UNC5D: variants seen among roughly 807,000 people sequenced by gnomAD.
The protein encoded by UNC5D is netrin receptor UNC5D.
Under a neutral mutation model 105.4 loss-of-function variants are expected in UNC5D, and 39 were observed. The observed-to-expected ratio is 0.37, with a 90% CI of 0.29 to 0.48. The LOEUF (loss-of-function observed/expected upper bound fraction) is 0.48, where lower values mean the gene tolerates loss of function less well. Among genes scored for constraint, UNC5D ranks in the 20% least tolerant of loss-of-function variants. UNC5D has a pLI of 0.98. For missense variants in UNC5D, 991 were observed against 1,202.4 expected, an observed-to-expected ratio of 0.82 and a Z score of 2.60; for synonymous variants, 452 against 450.4, an observed-to-expected ratio of 1.00 and a Z score of -0.04.
At chr8:35,682,611 A>G (rs1825742701) in intron 4 of UNC5D, among the ~76,000 whole-genome samples, 1 of 152,174 alleles carries the variant, frequency 6.6e-6, no homozygotes, top group Non-Finnish European at 1.5e-5. Flanking sequence ...GTGAATAAGG[A>G]AATAACACAG....
rs377424106 is a variant in UNC5D at position 35,271,710 on chromosome 8, T to C, written c.103+35823T>C. Among the ~76,000 whole-genome samples, 45 of 115,916 alleles carry C rather than the reference T, an allele frequency of 3.9e-4. 1 individual carries two copies. The highest frequency in any genetic ancestry group is 1.4e-3 in the Admixed American group (17 of 11,908). The allele number at this position is 115,916 out of a possible 152,430, so 76.0% of individuals were successfully genotyped here. A position where few individuals can be genotyped will look rare whatever the true frequency, so the allele number is the denominator to read the frequency against. ...ATACATGTATACATGTATACATATATATTTATACATGTATACATGTATACA... is the reference window on the plus strand; with the variant it reads ...ATACATGTATACATGTATACATATACATTTATACATGTATACATGTATACA... On this transcript the variant is annotated intron_variant, in intron 1 of 16. Coordinates refer to ENST00000404895, the MANE Select transcript of UNC5D (RefSeq NM_080872.4).
At chr8:35,729,130 T>A (rs1214734617) in intron 10 of UNC5D, among the ~76,000 whole-genome samples, 1 of 152,214 alleles carries the variant, frequency 6.6e-6, no homozygotes, top group African/African-American at 2.4e-5. Context: ...AGTGATCCCA[T>A]AGATTCAGGT....
chr8:35,301,083 A>T (rs1263921072), intron 1 of UNC5D, among the ~76,000 whole-genome samples: 3 of 152,126 alleles, frequency 2.0e-5, no homozygotes, highest in Non-Finnish European at 4.4e-5. Flanking sequence ...TTGGTTTCTA[A>T]ATACAGTTTT....
chr8:35,266,028 A>G (rs1342652071), intron 1 of UNC5D, among the ~76,000 whole-genome samples: 8 of 152,080 alleles, frequency 5.3e-5, no homozygotes, highest in African/African-American at 1.9e-4. Flanking sequence ...ACATGATAGT[A>G]TATTACATAT....
intron 3 of UNC5D, among the ~76,000 whole-genome samples, chr8:35,593,079 AC>A (rs1819274237): frequency 6.6e-6 from 1 of 151,838 alleles, no homozygotes; most frequent in East Asian, 1.9e-4. Context: ...ACACACACAC[AC>A]ACACACAAAT....
chr8:35,785,888 C>T (rs1215660860), intron 16 of UNC5D, among the ~76,000 whole-genome samples: 2 of 152,094 alleles, frequency 1.3e-5, no homozygotes, highest in Non-Finnish European at 2.9e-5. Flanking sequence ...CCTCATTGGC[C>T]AAGTACTATG....
At chr8:35,318,964 C>T (rs757319654) in intron 1 of UNC5D, among the ~76,000 whole-genome samples, 18 of 152,046 alleles carry the variant, frequency 1.2e-4, no homozygotes, top group Non-Finnish European at 2.2e-4. Flanking sequence ...TGTCTGAATG[C>T]ATAAAATCTT....
chr8:35,577,952 C>T (rs1818202192), intron 3 of UNC5D, among the ~76,000 whole-genome samples: 1 of 152,016 alleles, frequency 6.6e-6, no homozygotes. Context: ...TGACCTGGCG[C>T]AGTAGCTCAT....
intron 1 of UNC5D, among the ~76,000 whole-genome samples, chr8:35,531,121 CT>C (rs1476475167): frequency 8.3e-6 from 1 of 121,212 alleles, no homozygotes; most frequent in African/African-American, 3.4e-5. Context: ...TTTTCTAGTT[CT>C]TTTAATTGTG....
chr8:35,341,765 G>A (rs914372836), intron 1 of UNC5D, among the ~76,000 whole-genome samples: 1 of 152,050 alleles, frequency 6.6e-6, no homozygotes, highest in Non-Finnish European at 1.5e-5. Flanking sequence ...AGTGAAACAT[G>A]CAGCAACCAG....
At chr8:35,654,165 T>A (rs1823593752) in intron 4 of UNC5D, among the ~76,000 whole-genome samples, 2 of 152,204 alleles carry the variant, frequency 1.3e-5, no homozygotes, top group African/African-American at 4.8e-5. Flanking sequence ...TTTGAATACC[T>A]TTTGGGGTAT....
chr8:35,558,324 C>A (rs1284338797), intron 2 of UNC5D, among the ~76,000 whole-genome samples: 2 of 151,680 alleles, frequency 1.3e-5, no homozygotes, highest in African/African-American at 2.4e-5. Context: ...TGGTAGGGGA[C>A]CTGTGGCAAA....
intron 4 of UNC5D, among the ~76,000 whole-genome samples, chr8:35,611,218 T>C (rs1820659183): frequency 6.6e-6 from 1 of 152,162 alleles, no homozygotes. Flanking sequence ...AACATGTTTT[T>C]AGCCCTTTGA....
intron 4 of UNC5D, among the ~76,000 whole-genome samples, chr8:35,626,324 T>TA (rs1385109349): frequency 6.6e-6 from 1 of 151,848 alleles, no homozygotes; most frequent in Non-Finnish European, 1.5e-5. Context: ...TGGAAACCCA[T>TA]AAAAATATCT....
chr8:35,600,988 G>A (rs1444853463), intron 4 of UNC5D, among the ~76,000 whole-genome samples: 1 of 151,990 alleles, frequency 6.6e-6, no homozygotes, highest in African/African-American at 2.4e-5. Context: ...AAGGTGTAAG[G>A]AAGGGATCGA....
At chr8:35,676,018 G>A (rs922674512) in intron 4 of UNC5D, among the ~76,000 whole-genome samples, 2 of 151,874 alleles carry the variant, frequency 1.3e-5, no homozygotes, top group African/African-American at 4.8e-5. Flanking sequence ...CTCCCACAAT[G>A]CATCATTCTA....
At chr8:35,513,223 CT>C (rs35988823) in intron 1 of UNC5D, among the ~76,000 whole-genome samples, 19,197 of 134,054 alleles carry the variant, frequency 0.14, 1,524 homozygotes, top group East Asian at 0.24. Flanking sequence ...TTGGACCCTC[CT>C]TTTTTTTTTT....
At chr8:35,259,106 G>T (rs747103413) in intron 1 of UNC5D, among the ~76,000 whole-genome samples, 3 of 152,164 alleles carry the variant, frequency 2.0e-5, no homozygotes, top group Non-Finnish European at 4.4e-5. Flanking sequence ...TTAAGTGTTG[G>T]TTTGTTCTGT....
At chr8:35,633,796 T>C (rs901331522) in intron 4 of UNC5D, among the ~76,000 whole-genome samples, 1 of 152,036 alleles carries the variant, frequency 6.6e-6, no homozygotes, top group Admixed American at 6.6e-5. Context: ...CAGGACCTAA[T>C]ACAAACTTCT....
Sources: allele counts gnomAD v4.1 joint callset (sites outside exome capture counted in the v4.1 genomes callset), GRCh38; gene constraint gnomAD v4.1.1; transcripts MANE v1.5; gene names NCBI Gene and HGNC (gene_info 2026-07-23, HGNC 2026-07-21).